The following TRPM7 variants were observed in gnomAD, a reference collection of about 807,000 sequenced individuals.
TRPM7 encodes the protein transient receptor potential cation channel subfamily M member 7, also known as LTRPC ion channel family member 7.
A neutral mutation model predicts 229.7 loss-of-function variants in TRPM7; 134 were observed. The observed-to-expected ratio is 0.58, with a 90% CI of 0.51 to 0.67. TRPM7 has a LOEUF of 0.67. TRPM7 is among the 30% of genes least tolerant of loss of function. TRPM7 has a pLI of 0.00. For synonymous variants in TRPM7, 699 were observed against 715.2 expected (o/e 0.98, Z 0.36); for missense variants, 1,901 against 2,210.0 (o/e 0.86, Z 2.80).
rs1314733739 is a variant in TRPM7, at chr15:50,637,428, G to T, written c.826C>A (p.His276Asn). 6.2e-7 allele frequency: 1 copy of T among 1,612,254 alleles called. No individual in the cohort carries two copies. The highest frequency in any genetic ancestry group is 8.5e-7 in the Non-Finnish European group (1 of 1,179,342). The change falls in exon 7 of 39, where the codon CAT (histidine) becomes AAT (asparagine). Residue 276 changes from histidine to asparagine, a missense_variant. This residue lies in a region of TRPM7 where 794 missense variants were observed against 881.9 expected (regional missense o/e 0.90). Transcript: ENST00000646667. ...AATTTGTGAATTCACTTACTAGCATGAATTCTTTGCTGATTAATAGTTTTT... is the reference window on the plus strand; with the variant it reads ...AATTTGTGAATTCACTTACTAGCATTAATTCTTTGCTGATTAATAGTTTTT... ...LEKTINQQRI[H>N]ARIGQGVPVV... is the part of the protein sequence containing the mutation.
chr15:50,648,807 C>T lies in TRPM7; in HGVS notation c.201G>A (p.Leu67=), dbSNP rs1194137600. Residue 67 remains leucine (L), a synonymous_variant, in exon 4 of 39, where the codon TTG becomes TTA. Transcript: ENST00000646667. ...SLAMKYSDVK[L]GDHFNQAIEE... is the part of the protein sequence containing the mutation. Reference sequence around the variant, plus strand: ...CTATTGCCTGATTAAAATGGTCACCCAATTTCACATCTGAGTATTTCATGG... The same window carrying T: ...CTATTGCCTGATTAAAATGGTCACCTAATTTCACATCTGAGTATTTCATGG... 6.2e-7 allele frequency: 1 copy of T among 1,613,266 alleles called. No homozygotes were observed. The highest frequency in any genetic ancestry group is 2.2e-5 in the East Asian group (1 of 44,834).
At chr15:50,640,453 CTTTTTTTT>C (rs71124399) in intron 5 of TRPM7, among the ~76,000 whole-genome samples, 3 of 131,426 alleles carry the variant, frequency 2.3e-5, no homozygotes, top group African/African-American at 8.8e-5. Context: ...ATTTTTTTTT[CTTTTTTTT>C]TTTTTTTTTA....
At chr15:50,589,478 T>C in intron 27 of TRPM7, 114 bp downstream of exon 27, 1 of 693,602 alleles carries the variant, frequency 1.4e-6, no homozygotes, top group Non-Finnish European at 2.4e-6. Flanking sequence ...AGCATGTTAA[T>C]GATATCTGCT....
chr15:50,592,387 G>A lies in TRPM7; in HGVS notation c.3848C>T (p.Pro1283Leu), dbSNP rs768504835. The A allele has an allele frequency of 2.9e-5, 46 of 1,614,014 alleles. No homozygotes were observed. The Admixed American group carries it at 7.3e-4, about 26-fold the overall frequency. The change falls in exon 26 of 39, where the codon CCT (proline) becomes CTT (leucine). Residue 1283 changes from proline to leucine, a missense_variant. Physicochemically the swap from Pro to Leu is moderately conservative, Grantham distance 98 (BLOSUM62 -3). This residue lies in a region of TRPM7 where 533 missense variants were observed against 497.1 expected (regional missense o/e 1.07). Coordinates refer to ENST00000646667, the MANE Select transcript of TRPM7 (RefSeq NM_017672.6). ...HLAQNLIDDG[P>L]VRPSVWKKHG... Reference sequence around the variant, plus strand: ...CTTTTTCCATACAGAAGGTCTTACAGGACCATCATCAATAAGGTTTTGAGC... The same window carrying A: ...CTTTTTCCATACAGAAGGTCTTACAAGACCATCATCAATAAGGTTTTGAGC...
intron 28 of TRPM7, among the ~76,000 whole-genome samples, chr15:50,585,326 G>C (rs754412683): frequency 3.3e-5 from 5 of 152,182 alleles, no homozygotes; most frequent in African/African-American, 4.8e-5. Context: ...GCCTCCCAAA[G>C]TGCTAGGATT....
intron 1 of TRPM7, among the ~76,000 whole-genome samples, chr15:50,669,049 G>A (rs2061938161): frequency 6.6e-6 from 1 of 152,124 alleles, no homozygotes; most frequent in South Asian, 2.1e-4. Flanking sequence ...CTTTTTGACA[G>A]GCCCAGGAGC....
intron 1 of TRPM7, among the ~76,000 whole-genome samples, chr15:50,663,501 AC>A (rs1353421958): frequency 1.3e-5 from 2 of 152,204 alleles, no homozygotes; most frequent in East Asian, 1.9e-4. Context: ...GCACCCCAAA[AC>A]GTCAGAATAA....
chr15:50,686,584 T>C lies in TRPM7; in HGVS notation c.-51A>G, dbSNP rs1460014949. 3 of 1,604,790 alleles carry C rather than the reference T, an allele frequency of 1.9e-6. No individual in the cohort carries two copies. Among genetic ancestry groups the C allele is most frequent in the Non-Finnish European group, 2.6e-6 (3 of 1,175,192 alleles). On this transcript the variant is annotated 5_prime_UTR_variant, in exon 1 of 39. Coordinates refer to ENST00000646667, the MANE Select transcript of TRPM7 (RefSeq NM_017672.6). ...GGGCAGCAACTCCACCTCCTCCTCC[T>C]CCGCGGCCTGTAGCCATCTATCGGG...
intron 7 of TRPM7, among the ~76,000 whole-genome samples, chr15:50,635,687 A>C (rs959667412): frequency 1.5e-5 from 1 of 68,568 alleles, no homozygotes; most frequent in Non-Finnish European, 4.1e-5. Flanking sequence ...AAAAAAAAAA[A>C]AAAAGAGGAC....
Position 50,574,631 on chromosome 15 carries a change from A to G in TRPM7, c.5102+6T>C. On this transcript the variant is annotated splice_donor_region_variant and intron_variant, in intron 35 of 38. Transcript: ENST00000646667. The stretch of plus-strand genomic sequence containing the variant: ...AAAAGATCCCAGAAAAAAATTAAAG[A>G]TTTACCTTGGAGAATATGGTATGGA... 3.1e-6 allele frequency: 5 copies of G among 1,607,232 alleles called. No homozygotes were observed. The highest frequency in any genetic ancestry group is 4.2e-6 in the Non-Finnish European group (5 of 1,177,714).
At chr15:50,683,430 T>C (rs970073444) in intron 1 of TRPM7, among the ~76,000 whole-genome samples, 3 of 151,110 alleles carry the variant, frequency 2.0e-5, no homozygotes, top group African/African-American at 7.3e-5. Flanking sequence ...TGGTCAATCT[T>C]AACATTTAAA....
At chr15:50,686,268 G>A (rs941705434) in intron 1 of TRPM7, among the ~76,000 whole-genome samples, 12 of 152,214 alleles carry the variant, frequency 7.9e-5, no homozygotes, top group Non-Finnish European at 1.6e-4. Flanking sequence ...CTGCCGCCTG[G>A]AGAGGCCCTC....
chr15:50,610,062 T>G lies in TRPM7; in HGVS notation c.2281-101A>C. The G allele has an allele frequency of 4.3e-6, 4 of 938,916 alleles. No individual in the cohort carries two copies. In the South Asian group the frequency reaches 7.0e-5, roughly 16 times the overall value. 58.2% of individuals were successfully genotyped at this position (938,916 alleles called of 1,614,324 possible). ...TAAAAACAATAAAAGATTTTAAATA[T>G]CTTGTGATTAGCCATTTTGCCCCTA... is the stretch of plus-strand genomic sequence containing the variant. On this transcript the variant is annotated intron_variant, in intron 17 of 38. Coordinates refer to ENST00000646667, the MANE Select transcript of TRPM7 (RefSeq NM_017672.6).
At chr15:50,595,220 T>C (rs561342034) in intron 23 of TRPM7, among the ~76,000 whole-genome samples, 111 of 151,822 alleles carry the variant, frequency 7.3e-4, no homozygotes, top group African/African-American at 2.6e-3. Flanking sequence ...ATAATTTTAT[T>C]TACTATCAAA....
At chr15:50,679,474 TTATATA>T in intron 1 of TRPM7, among the ~76,000 whole-genome samples, 1 of 121,234 alleles carries the variant, frequency 8.2e-6, no homozygotes, top group East Asian at 2.1e-4. Flanking sequence ...TTTATTTCAT[TTATATA>T]TATATATATT....
At chr15:50,599,730 T>A (rs1233464221) in intron 21 of TRPM7, 2 of 152,570 alleles carry the variant, frequency 1.3e-5, no homozygotes, top group African/African-American at 2.4e-5. Flanking sequence ...TAATTGTACT[T>A]TGCCCACTTC....
chr15:50,604,131 C>G (rs535851751), intron 21 of TRPM7: 160 of 152,204 alleles, frequency 1.1e-3, no homozygotes, highest in African/African-American at 3.6e-3. Context: ...ATTTCAGATT[C>G]AGTGTATAAA....
intron 9 of TRPM7, 132 bp from the exon 10 acceptor site, chr15:50,631,621 T>C (rs946989639): frequency 4.2e-6 from 2 of 481,808 alleles, no homozygotes; most frequent in African/African-American, 1.9e-5. Context: ...GTATTATGTA[T>C]ATATAAACAT....
In TRPM7 at chr15:50,609,676, C is replaced by T. The variant is rs758909340; in HGVS notation, c.2485G>A (p.Glu829Lys). 5.0e-6 allele frequency: 8 copies of T among 1,610,828 alleles called. No individual in the cohort carries two copies. The African/African-American group carries it at 9.4e-5, about 19-fold the overall frequency. The part of the protein sequence containing the change: ...RILDSNEGKN[E>K]MEIQMKSKKL... ...TTTGATTTCATTTGTATCTCCATCT[C>T]ATTCTTTCCTTCATTACTATCCAAA... The change falls in exon 19 of 39, where the codon GAG becomes AAG. Residue 829 changes from glutamate to lysine, a missense_variant. This residue lies in a region of TRPM7 where 207 missense variants were observed against 241.5 expected (regional missense o/e 0.86). Transcript: ENST00000646667.
Sources: gnomAD v4.1 joint callset for allele counts (sites outside exome capture counted in the v4.1 genomes callset) on GRCh38, gnomAD v4.1.1 for gene constraint, gnomAD v4.1.1 regional missense constraint, MANE v1.5 for transcripts, NCBI Gene and HGNC (gene_info 2026-07-23, HGNC 2026-07-21) for gene names.